The following UGT1A10 variants were observed in gnomAD, a reference collection of about 807,000 sequenced individuals.
The protein encoded by UGT1A10 is UDP glucuronosyltransferase family 1 member A10, also known as UDP-glucuronosyltransferase 1A10.
Under a neutral mutation model 45.8 loss-of-function variants are expected in UGT1A10, and 49 were observed. That is an observed-to-expected ratio of 1.07 (90% CI 0.85 to 1.36). The LOEUF (loss-of-function observed/expected upper bound fraction) is 1.36, where lower values mean the gene tolerates loss of function less well. Among genes scored for constraint, UGT1A10 ranks in the 40% most tolerant of loss-of-function variants. UGT1A10 has a pLI of 0.00. For synonymous variants in UGT1A10, 284 were observed against 249.7 expected (o/e 1.14, Z -1.29); for missense variants, 745 against 668.6 (o/e 1.11, Z -1.26).
chr2:233,714,950 C>T (rs2076424956), intron 1 of UGT1A10, among the ~76,000 whole-genome samples: 1 of 152,298 alleles, frequency 6.6e-6, no homozygotes, highest in South Asian at 2.1e-4. Context: ...GATCTTGGCT[C>T]ATTGCAACCT....
intron 1 of UGT1A10, among the ~76,000 whole-genome samples, chr2:233,730,802 A>T (rs1344398093): frequency 1.3e-5 from 2 of 152,196 alleles, no homozygotes; most frequent in Non-Finnish European, 2.9e-5. Flanking sequence ...ATGAATGGAC[A>T]TGCGTCCAAG....
intron 1 of UGT1A10, among the ~76,000 whole-genome samples, chr2:233,654,113 T>A (rs2073801080): frequency 6.6e-6 from 1 of 152,182 alleles, no homozygotes; most frequent in Non-Finnish European, 1.5e-5. Flanking sequence ...GATATGAAGA[T>A]GAAATACATA....
intron 1 of UGT1A10, among the ~76,000 whole-genome samples, chr2:233,700,325 CCT>C (rs1265202674): frequency 6.6e-6 from 1 of 152,188 alleles, no homozygotes; most frequent in Non-Finnish European, 1.5e-5. Flanking sequence ...TAAAATTCTG[CCT>C]CTCTTTCAAA....
chr2:233,752,472 A>C (rs185071344), intron 1 of UGT1A10: 1 of 152,238 alleles, frequency 6.6e-6, no homozygotes, highest in Non-Finnish European at 1.5e-5. Context: ...GGCCTCTAGC[A>C]GTGTTATGTT....
chr2:233,761,154 G>C, intron 1 of UGT1A10: 3 of 1,614,240 alleles, frequency 1.9e-6, no homozygotes, highest in African/African-American at 2.7e-5. Context: ...TATCCCAGGT[G>C]TGTATTGGAG....
intron 1 of UGT1A10, among the ~76,000 whole-genome samples, chr2:233,644,237 G>A (rs892380773): frequency 1.3e-5 from 2 of 152,156 alleles, no homozygotes; most frequent in African/African-American, 4.8e-5. Flanking sequence ...TCAGACCTCT[G>A]AGATCAGCAA....
At chr2:233,673,153 T>A (rs947617562) in intron 1 of UGT1A10, among the ~76,000 whole-genome samples, 3 of 152,194 alleles carry the variant, frequency 2.0e-5, no homozygotes, top group Non-Finnish European at 4.4e-5. Flanking sequence ...TTAATGTTTT[T>A]AAAAAAGTAC....
At chr2:233,754,276 G>A (rs906718442) in intron 1 of UGT1A10, 4 of 190,364 alleles carry the variant, frequency 2.1e-5, no homozygotes, top group Admixed American at 1.6e-4. Context: ...AAAGTGCTGA[G>A]ATGAACATTC....
intron 1 of UGT1A10, among the ~76,000 whole-genome samples, chr2:233,649,252 C>A (rs2073680112): frequency 6.6e-6 from 1 of 152,172 alleles, no homozygotes; most frequent in Non-Finnish European, 1.5e-5. Context: ...ATAATTTCCA[C>A]TGCATTTTTA....
At chr2:233,713,634 C>T (rs1302996427) in intron 1 of UGT1A10, 1 of 1,613,964 alleles carries the variant, frequency 6.2e-7, no homozygotes, top group South Asian at 1.1e-5. Flanking sequence ...CAAGAACATG[C>T]TCTACCCTCT....
chr2:233,657,145 C>T (rs1263223448), intron 1 of UGT1A10, among the ~76,000 whole-genome samples: 1 of 152,160 alleles, frequency 6.6e-6, no homozygotes, highest in East Asian at 1.9e-4. Flanking sequence ...TGGTGATGCC[C>T]TGTGGCCTGC....
intron 1 of UGT1A10, among the ~76,000 whole-genome samples, chr2:233,736,830 T>C (rs917006233): frequency 6.6e-6 from 1 of 152,234 alleles, no homozygotes; most frequent in African/African-American, 2.4e-5. Flanking sequence ...TGCTCTTTGC[T>C]TTGGTATCAC....
At chr2:233,665,519 A>G (rs970706806) in intron 1 of UGT1A10, among the ~76,000 whole-genome samples, 9 of 152,184 alleles carry the variant, frequency 5.9e-5, no homozygotes, top group African/African-American at 2.2e-4. Flanking sequence ...CAGAAGCAAT[A>G]GGAATGAGGG....
chr2:233,719,094 G>T, intron 1 of UGT1A10: 7 of 1,614,206 alleles, frequency 4.3e-6, no homozygotes, highest in Non-Finnish European at 5.9e-6. Context: ...ATTTGATCGC[G>T]TTACGCTGGG....
At chr2:233,695,050 C>T (rs1334618880) in intron 1 of UGT1A10, among the ~76,000 whole-genome samples, 1 of 152,156 alleles carries the variant, frequency 6.6e-6, no homozygotes, top group Admixed American at 6.5e-5. Flanking sequence ...ACCATAGTCA[C>T]CCTACTGTGC....
chr2:233,757,537 T>TATATATACATATAC lies in UGT1A10; in HGVS notation c.856-9490_856-9489insCATATACATATATA, dbSNP rs1472416448. Among the ~76,000 whole-genome samples the TATATATACATATAC allele has an allele frequency of 1.3e-3, 136 of 107,742 alleles. 2 individuals carry two copies. Among genetic ancestry groups the TATATATACATATAC allele is most frequent in the African/African-American group, 3.9e-3 (84 of 21,496 alleles). 70.7% of individuals were successfully genotyped at this position (107,742 alleles called of 152,430 possible). A position where few individuals can be genotyped will look rare whatever the true frequency, so the allele number is the denominator to read the frequency against. ...AAGCCAAAATCTTGCCTGTAAGGAA[T>TATATATACATATAC]ATATATATATATATATATATATATG... On this transcript the variant is annotated intron_variant, in intron 1 of 4. Transcript: ENST00000344644.
At chr2:233,692,921 T>C in intron 1 of UGT1A10, 1 of 1,571,738 alleles carries the variant, frequency 6.4e-7, no homozygotes, top group Non-Finnish European at 8.6e-7. Flanking sequence ...AAAGCAGTGG[T>C]TAGTTTAGGG....
At chr2:233,658,191 G>A (rs1048480287) in intron 1 of UGT1A10, among the ~76,000 whole-genome samples, 4 of 151,858 alleles carry the variant, frequency 2.6e-5, no homozygotes, top group Non-Finnish European at 5.9e-5. Flanking sequence ...GCTAATTTTT[G>A]TATTTTTAGT....
chr2:233,661,420 C>A (rs1041768979), intron 1 of UGT1A10, among the ~76,000 whole-genome samples: 2 of 152,044 alleles, frequency 1.3e-5, no homozygotes, highest in African/African-American at 2.4e-5. Flanking sequence ...CTCAGTAAGA[C>A]CTTTCTCACT....
Sources: allele counts gnomAD v4.1 joint callset (sites outside exome capture counted in the v4.1 genomes callset), GRCh38; gene constraint gnomAD v4.1.1; transcripts MANE v1.5; gene names NCBI Gene and HGNC (gene_info 2026-07-23, HGNC 2026-07-21).